SPOCK1: variants seen among roughly 807,000 people sequenced by gnomAD.
The protein encoded by SPOCK1 is SPARC (osteonectin), cwcv and kazal like domains proteoglycan 1, also known as testican-1.
SPOCK1 carries 23 observed loss-of-function variants against 55.3 expected under a neutral mutation model. The ratio of observed to expected loss-of-function variants is 0.42; its 90% CI spans 0.30 to 0.59. The LOEUF is 0.59. Ranked by LOEUF, SPOCK1 falls within the 20% of genes least tolerant of loss-of-function variation. The pLI, the probability that SPOCK1 is intolerant of heterozygous loss-of-function variation, is 0.22. For missense variants in SPOCK1, 499 were observed against 552.5 expected, an observed-to-expected ratio of 0.90 and a Z score of 0.97; for synonymous variants, 226 against 221.0, an observed-to-expected ratio of 1.02 and a Z score of -0.20.
chr5:137,094,159 T>G (rs1166170735), intron 5 of SPOCK1, among the ~76,000 whole-genome samples: 3 of 152,108 alleles, frequency 2.0e-5, no homozygotes, highest in African/African-American at 7.2e-5. Flanking sequence ...CCTGAGTCAC[T>G]GGGCACAGAA....
At chr5:137,042,015 C>T (rs577188066) in intron 6 of SPOCK1, among the ~76,000 whole-genome samples, 3 of 152,058 alleles carry the variant, frequency 2.0e-5, no homozygotes. Flanking sequence ...TTTATATCAC[C>T]TTTATTCATA....
At position 137,043,851 on chromosome 5, in the gene SPOCK1, G is replaced by T. The variant is rs1041247655; in HGVS notation, c.589+23864C>A. Among the ~76,000 whole-genome samples, 4 of 152,242 alleles carry T rather than the reference G, an allele frequency of 2.6e-5. No homozygotes were observed. The East Asian group carries it at 7.7e-4, about 29-fold the overall frequency. On this transcript the variant is annotated intron_variant, in intron 6 of 10. Coordinates refer to ENST00000394945, the MANE Select transcript of SPOCK1 (RefSeq NM_004598.4). ...GGATGAGATCCTGGAACAGAAAAAC[G>T]AAATTAGGTAAAAGCTAAGGAAATA... is the stretch of plus-strand genomic sequence containing the variant.
intron 6 of SPOCK1, among the ~76,000 whole-genome samples, chr5:137,031,252 T>TC (rs1212869856): frequency 6.6e-6 from 1 of 152,170 alleles, no homozygotes; most frequent in African/African-American, 2.4e-5. Context: ...CACACCCAGG[T>TC]CCCTCATTTC....
chr5:137,471,665 C>A (rs578056972), intron 2 of SPOCK1, among the ~76,000 whole-genome samples: 1 of 152,184 alleles, frequency 6.6e-6, no homozygotes, highest in Non-Finnish European at 1.5e-5. Context: ...GCAGTCCTTT[C>A]CTACCCAGCA....
intron 4 of SPOCK1, among the ~76,000 whole-genome samples, chr5:137,131,710 C>T (rs895207781): frequency 5.9e-5 from 9 of 151,642 alleles, no homozygotes; most frequent in African/African-American, 2.2e-4. Context: ...TGGTAGCTCA[C>T]GCCTGTAATC....
At chr5:137,391,669 G>A (rs138457106) in intron 2 of SPOCK1, among the ~76,000 whole-genome samples, 70 of 151,744 alleles carry the variant, frequency 4.6e-4, no homozygotes, top group Admixed American at 7.9e-4. Context: ...GTCTCTCCCC[G>A]CTCCCCTCCA....
At chr5:137,372,140 C>T (rs1488726630) in intron 2 of SPOCK1, among the ~76,000 whole-genome samples, 2 of 152,172 alleles carry the variant, frequency 1.3e-5, no homozygotes, top group African/African-American at 2.4e-5. Flanking sequence ...TGTGAGCTAG[C>T]CTAGTTTCAG....
intron 2 of SPOCK1, among the ~76,000 whole-genome samples, chr5:137,472,920 C>T (rs1244000558): frequency 6.6e-6 from 1 of 152,182 alleles, no homozygotes; most frequent in Non-Finnish European, 1.5e-5. Context: ...CATTCCTCAC[C>T]TATCCTGCTT....
At chr5:137,489,830 C>T (rs1214996605) in intron 2 of SPOCK1, among the ~76,000 whole-genome samples, 1 of 152,246 alleles carries the variant, frequency 6.6e-6, no homozygotes, top group Non-Finnish European at 1.5e-5. Flanking sequence ...TTCCCATGGC[C>T]TCTCCTCACC....
chr5:137,094,881 T>C (rs560277301), intron 5 of SPOCK1, among the ~76,000 whole-genome samples: 1 of 152,366 alleles, frequency 6.6e-6, no homozygotes, highest in East Asian at 1.9e-4. Context: ...ATCTCATCTT[T>C]CAATATGCCT....
chr5:137,266,657 G>A (rs1756857617), intron 3 of SPOCK1, among the ~76,000 whole-genome samples: 1 of 152,148 alleles, frequency 6.6e-6, no homozygotes, highest in Non-Finnish European at 1.5e-5. Flanking sequence ...GTGAATTAGG[G>A]AAGCATCTCC....
At chr5:137,209,143 C>T (rs1755566996) in intron 3 of SPOCK1, among the ~76,000 whole-genome samples, 1 of 152,176 alleles carries the variant, frequency 6.6e-6, no homozygotes, top group African/African-American at 2.4e-5. Context: ...CCTAATGAGA[C>T]ATCTTTTTAA....
intron 2 of SPOCK1, among the ~76,000 whole-genome samples, chr5:137,360,326 GCA>G (rs561496338): frequency 2.4e-4 from 37 of 152,298 alleles, no homozygotes; most frequent in African/African-American, 8.7e-4. Context: ...TCTTACAAAG[GCA>G]CACAGTCTTG....
intron 3 of SPOCK1, among the ~76,000 whole-genome samples, chr5:137,165,585 C>G (rs879164874): frequency 1.3e-5 from 2 of 151,974 alleles, no homozygotes; most frequent in African/African-American, 4.8e-5. Flanking sequence ...GCACCAGGGA[C>G]CAATCCTGGA....
chr5:137,022,136 A>G (rs1170764919), intron 6 of SPOCK1, among the ~76,000 whole-genome samples: 3 of 152,076 alleles, frequency 2.0e-5, no homozygotes, highest in Admixed American at 6.6e-5. Context: ...AGGTCATTAA[A>G]GGTGACAGAG....
At chr5:137,196,042 C>G (rs1457884858) in intron 3 of SPOCK1, among the ~76,000 whole-genome samples, 1 of 152,164 alleles carries the variant, frequency 6.6e-6, no homozygotes, top group African/African-American at 2.4e-5. Context: ...TAGCATCTAC[C>G]ATGTGCCCAG....
At chr5:137,309,199 C>T (rs922310329) in intron 2 of SPOCK1, among the ~76,000 whole-genome samples, 1 of 152,158 alleles carries the variant, frequency 6.6e-6, no homozygotes, top group Middle Eastern at 3.2e-3. Flanking sequence ...CTTTCTTTCT[C>T]CTCTGTAACA....
At chr5:137,260,020 A>C (rs1756716945) in intron 3 of SPOCK1, among the ~76,000 whole-genome samples, 1 of 152,242 alleles carries the variant, frequency 6.6e-6, no homozygotes, top group African/African-American at 2.4e-5. Context: ...CTTTATGAGA[A>C]AACATATATG....
chr5:137,388,938 A>T (rs138934143), intron 2 of SPOCK1, among the ~76,000 whole-genome samples: 1 of 152,364 alleles, frequency 6.6e-6, no homozygotes, highest in Non-Finnish European at 1.5e-5. Context: ...ACTTGTCATC[A>T]TATACAGCAT....
Sources: gnomAD v4.1 joint callset for allele counts (sites outside exome capture counted in the v4.1 genomes callset) on GRCh38, gnomAD v4.1.1 for gene constraint, MANE v1.5 for transcripts, NCBI Gene and HGNC (gene_info 2026-07-23, HGNC 2026-07-21) for gene names.